CLTC: variants seen among roughly 807,000 people sequenced by gnomAD.
CLTC encodes clathrin heavy chain 1.
A neutral mutation model predicts 195.8 loss-of-function variants in CLTC; 16 were observed. The observed-to-expected ratio is 0.08, with a 90% CI of 0.06 to 0.12. The LOEUF (loss-of-function observed/expected upper bound fraction) is 0.12, where lower values mean the gene tolerates loss of function less well. Among genes scored for constraint, CLTC ranks in the 10% least tolerant of loss-of-function variants. CLTC has a pLI of 1.00. For missense variants in CLTC, 796 were observed against 2,027.0 expected (o/e 0.39, Z 11.66); for synonymous variants, 667 against 689.4 (o/e 0.97, Z 0.51).
At chr17:59,627,891 G>A (rs78888118) in intron 1 of CLTC, among the ~76,000 whole-genome samples, 1 of 152,278 alleles carries the variant, frequency 6.6e-6, no homozygotes, top group East Asian at 1.9e-4. Context: ...CTATTTTACT[G>A]TAAATTCATG....
At chr17:59,657,086 T>C (rs1241919606) in intron 6 of CLTC, among the ~76,000 whole-genome samples, 1 of 152,198 alleles carries the variant, frequency 6.6e-6, no homozygotes, top group Non-Finnish European at 1.5e-5. Context: ...TTCTTCCAAA[T>C]TAGTATTTTT....
chr17:59,640,000 A>T (rs1043281130), intron 1 of CLTC, among the ~76,000 whole-genome samples: 2 of 152,148 alleles, frequency 1.3e-5, no homozygotes, highest in South Asian at 2.1e-4. Context: ...GGTATAGCTT[A>T]TATGCCATCA....
chr17:59,655,724 A>T, intron 5 of CLTC, 130 bp from the exon 6 acceptor site: 1 of 640,600 alleles, frequency 1.6e-6, no homozygotes, highest in Non-Finnish European at 2.4e-6. Context: ...TTTAAATATT[A>T]GCTTATAATT....
chr17:59,627,602 AAT>A (rs2143445134), intron 1 of CLTC, among the ~76,000 whole-genome samples: 1 of 152,292 alleles, frequency 6.6e-6, no homozygotes, highest in South Asian at 2.1e-4. Flanking sequence ...TTTATCGTGA[AAT>A]ATTTTTTATA....
At chr17:59,691,619 G>A (rs911210839) in intron 31 of CLTC, among the ~76,000 whole-genome samples, 9 of 137,346 alleles carry the variant, frequency 6.6e-5, no homozygotes, top group East Asian at 4.5e-4. Flanking sequence ...GCAAGACTCC[G>A]CCTTAAAAAA....
intron 14 of CLTC, among the ~76,000 whole-genome samples, chr17:59,673,342 A>C (rs985392947): frequency 6.6e-6 from 1 of 152,206 alleles, no homozygotes; most frequent in Non-Finnish European, 1.5e-5. Context: ...TGAAAGTCCC[A>C]GTATGGTGAA....
chr17:59,666,539 T>C lies in CLTC; in HGVS notation c.1842T>C (p.Ala614=), dbSNP rs2032737117. 2 of 1,614,120 alleles carry C rather than the reference T, an allele frequency of 1.2e-6. No individual in the cohort carries two copies. Among genetic ancestry groups the C allele is most frequent in the South Asian group, 2.2e-5 (2 of 91,082 alleles). Residue 614 remains alanine (A), a synonymous_variant, in exon 12 of 32, where the codon GCT becomes GCC. Transcript: ENST00000269122. The surrounding 1 kb of genome is among the most constrained non-coding windows in gnomAD (Gnocchi z 4.9). ...CACATTATGACCGGGCTCATATTGCTCAACTGTGTGAAAAGGCTGGCCTAC... is the reference window on the plus strand; with the variant it reads ...CACATTATGACCGGGCTCATATTGCCCAACTGTGTGAAAAGGCTGGCCTAC... ...MFTHYDRAHI[A]QLCEKAGLLQ...
intron 7 of CLTC, 46 bp downstream of exon 7, chr17:59,660,634 T>G: frequency 6.4e-7 from 1 of 1,565,768 alleles, no homozygotes; most frequent in Non-Finnish European, 8.8e-7. Context: ...AATCCATTGT[T>G]AATATTCTGT....
chr17:59,677,281 T>G, intron 17 of CLTC, 93 bp downstream of exon 17: 1 of 917,454 alleles, frequency 1.1e-6, no homozygotes. Context: ...TATGGGACAT[T>G]TGGGGACGGT....
At chr17:59,673,925 G>C (rs1489262676) in intron 15 of CLTC, among the ~76,000 whole-genome samples, 153 bp downstream of exon 15, 1 of 151,944 alleles carries the variant, frequency 6.6e-6, no homozygotes, top group Non-Finnish European at 1.5e-5. Context: ...TGGAGACAGG[G>C]TCTTGCTCTG....
Position 59,683,289 on chromosome 17 carries a change from G to A in CLTC, c.4041+27G>A, listed in dbSNP as rs759614848. On this transcript the variant is annotated intron_variant, in intron 25 of 31. Transcript: ENST00000269122. The surrounding 1 kb of genome is among the most constrained non-coding windows in gnomAD (Gnocchi z 6.1). ...TAACCAGTCATTGTAACACAGTGAA[G>A]CAACTGTGTAGTTAAAACTAATGCT... 16 of 1,609,458 alleles carry A rather than the reference G, an allele frequency of 9.9e-6. No homozygotes were observed. Among genetic ancestry groups the A allele is most frequent in the Non-Finnish European group, 8.5e-7 (1 of 1,176,880 alleles).
intron 6 of CLTC, among the ~76,000 whole-genome samples, chr17:59,656,639 T>C (rs2032472673): frequency 6.6e-6 from 1 of 151,712 alleles, no homozygotes; most frequent in African/African-American, 2.4e-5. Flanking sequence ...TAGCAAGTGA[T>C]TCTTTATCTG....
chr17:59,647,426 T>C lies in CLTC; in HGVS notation c.279T>C (p.Ile93=), dbSNP rs751309022. The change falls in exon 3 of 32, where the codon ATT becomes ATC. Residue 93 remains isoleucine (I), a synonymous_variant. Coordinates refer to ENST00000269122, the MANE Select transcript of CLTC (RefSeq NM_004859.4). ...KAGKTLQIFN[I]EMKSKMKAHT... ...GGAAAACTCTTCAGATTTTTAACATTGAAATGAAAAGTAAAATGAAGGCTC... is the reference window on the plus strand; with the variant it reads ...GGAAAACTCTTCAGATTTTTAACATCGAAATGAAAAGTAAAATGAAGGCTC... The C allele has an allele frequency of 4.3e-6, 7 of 1,612,860 alleles. 1 individual carries two copies. The South Asian group carries it at 7.7e-5, about 18-fold the overall frequency.
At chr17:59,676,781 G>T (rs2032975418) in intron 16 of CLTC, among the ~76,000 whole-genome samples, 173 bp from the exon 17 acceptor site, 1 of 152,250 alleles carries the variant, frequency 6.6e-6, no homozygotes, top group Middle Eastern at 3.4e-3. Context: ...AATGATTGTG[G>T]CTGTGAATAG....
At chr17:59,655,732 A>G in intron 5 of CLTC, 122 bp from the exon 6 acceptor site, 1 of 712,380 alleles carries the variant, frequency 1.4e-6, no homozygotes, top group Non-Finnish European at 2.1e-6. Context: ...TTAGCTTATA[A>G]TTTTTCAAAT....
chr17:59,684,345 T>G (rs946556455), intron 28 of CLTC: 2 of 189,240 alleles, frequency 1.1e-5, no homozygotes, highest in Admixed American at 1.1e-4. Context: ...TATTAGTGTT[T>G]GTATAAACTT....
rs2033085561 is a variant in CLTC at position 59,681,766 on chromosome 17, A to C, written c.3369A>C (p.Glu1123Asp). The C allele has an allele frequency of 6.2e-7, 1 of 1,613,994 alleles. No individual in the cohort carries two copies. ...KAQLQKGMVK[E>D]AIDSYIKADD... Reference sequence around the variant, plus strand: ...AGTTGCAGAAAGGAATGGTGAAAGAAGCCATTGATTCTTATATCAAAGCAG... The same window carrying C: ...AGTTGCAGAAAGGAATGGTGAAAGACGCCATTGATTCTTATATCAAAGCAG... Residue 1123 changes from glutamate (E) to aspartate (D), a missense_variant, in exon 21 of 32, where the codon GAA becomes GAC. Transcript: ENST00000269122. The surrounding 1 kb of genome is among the most constrained non-coding windows in gnomAD (Gnocchi z 5.0).
intron 6 of CLTC, 113 bp downstream of exon 6, chr17:59,656,140 T>A: frequency 1.1e-6 from 1 of 920,156 alleles, no homozygotes; most frequent in South Asian, 1.9e-5. Context: ...AATAAACATA[T>A]TACTGTTAGT....
chr17:59,625,569 C>T (rs1432300065), intron 1 of CLTC, among the ~76,000 whole-genome samples: 1 of 152,104 alleles, frequency 6.6e-6, no homozygotes, highest in Non-Finnish European at 1.5e-5. Flanking sequence ...AAACTCAGCA[C>T]TTTGTGAGCC....
Sources: gnomAD v4.1 joint callset for allele counts (sites outside exome capture counted in the v4.1 genomes callset) on GRCh38, gnomAD v4.1.1 for gene constraint, Gnocchi (gnomAD v3.1) non-coding constraint, MANE v1.5 for transcripts, NCBI Gene and HGNC (gene_info 2026-07-23, HGNC 2026-07-21) for gene names.